The following CRISP1 variants were observed in gnomAD, a reference collection of about 807,000 sequenced individuals.
The protein encoded by CRISP1 is cysteine rich secretory protein 1.
Under a neutral mutation model 33.1 loss-of-function variants are expected in CRISP1, and 44 were observed. The observed-to-expected ratio is 1.33, with a 90% confidence interval of 1.05 to 1.71. CRISP1 has a LOEUF of 1.71. Ranked by LOEUF, CRISP1 falls within the 40% of genes most tolerant of loss-of-function variation. The pLI is 0.00. For synonymous variants in CRISP1, 103 were observed against 98.7 expected, an observed-to-expected ratio of 1.04 and a Z score of -0.26; for missense variants, 390 against 301.2, an observed-to-expected ratio of 1.29 and a Z score of -2.18.
At position 49,838,497 on chromosome 6, in the gene CRISP1, G is replaced by A. The variant is rs749780934; in HGVS notation, c.562C>T (p.Pro188Ser). The A allele has an allele frequency of 1.2e-6, 2 of 1,612,744 alleles. No individual in the cohort carries two copies. Among genetic ancestry groups the A allele is most frequent in the East Asian group, 2.2e-5 (1 of 44,812 alleles). The change falls in exon 7 of 8, where the codon CCT becomes TCT. Residue 188 changes from proline to serine, a missense_variant. Transcript: ENST00000335847. ...TCACATGGGACGCCTGTCTTATAAG[G>A]TTCATTCTTTGTTTCAGGATCATTT... is the stretch of plus-strand genomic sequence containing the variant. ...EGNDPETKNE[P>S]YKTGVPCEAC...
At position 49,857,366 on chromosome 6, in the gene CRISP1, G is replaced by C; in HGVS notation, c.35C>G (p.Ala12Gly). Reference sequence around the variant, plus strand: ...GGACAACATAGGCAGTAAGCAAGCAGCAGCAACCAAAAACAAGAGGTGTTT... The same window carrying C: ...GGACAACATAGGCAGTAAGCAAGCACCAGCAACCAAAAACAAGAGGTGTTT... Reference protein sequence around the residue: ...EIKHLLFLVAAACLLPMLSMK... With the variant: ...EIKHLLFLVAGACLLPMLSMK... Residue 12 changes from alanine to glycine, a missense_variant, in exon 2 of 8, where the codon GCT becomes GGT. Physicochemically the swap from Ala to Gly is moderately conservative, Grantham distance 60 (BLOSUM62 0). Coordinates refer to ENST00000335847, the MANE Select transcript of CRISP1 (RefSeq NM_001131.3). 6.8e-6 allele frequency: 11 copies of C among 1,613,000 alleles called. No homozygotes were observed. Among genetic ancestry groups the C allele is most frequent in the Non-Finnish European group, 9.3e-6 (11 of 1,179,274 alleles).
intron 1 of CRISP1, among the ~76,000 whole-genome samples, chr6:49,873,204 G>A (rs1042587665): frequency 6.6e-6 from 1 of 151,708 alleles, no homozygotes; most frequent in Non-Finnish European, 1.5e-5. Flanking sequence ...AAAATAAAAA[G>A]GGATAAGCCA....
In CRISP1 at chr6:49,848,268, C is replaced by T; in HGVS notation, c.227G>A (p.Arg76Lys). The T allele has an allele frequency of 1.2e-6, 2 of 1,605,048 alleles. No homozygotes were observed. The highest frequency in any genetic ancestry group is 8.5e-7 in the Non-Finnish European group (1 of 1,176,442). The part of the protein sequence containing the change: ...SWSEEAAQNA[R>K]IFSKYCDMTE... ...CATATCACAATACTTTGAAAAAATT[C>T]TGGCATTTTGTGCAGCCTCTTCACT... Residue 76 changes from arginine to lysine, a missense_variant, in exon 4 of 8, where the codon AGA (arginine) becomes AAA (lysine). Transcript: ENST00000335847.
At chr6:49,856,913 C>G (rs1299393467) in intron 2 of CRISP1, among the ~76,000 whole-genome samples, 1 of 152,104 alleles carries the variant, frequency 6.6e-6, no homozygotes, top group Non-Finnish European at 1.5e-5. Flanking sequence ...CAGCTCCTCA[C>G]GTTGCTCTTT....
At chr6:49,854,610 C>T (rs1330332753) in intron 2 of CRISP1, among the ~76,000 whole-genome samples, 1 of 152,166 alleles carries the variant, frequency 6.6e-6, no homozygotes, top group African/African-American at 2.4e-5. Context: ...AACTATTGTT[C>T]TCTGTCTCTA....
At position 49,834,501 on chromosome 6, in the gene CRISP1, T is replaced by C. The variant is rs1770716330; in HGVS notation, c.*815A>G. 1 of 152,180 alleles carries C rather than the reference T, an allele frequency of 6.6e-6. No homozygotes were observed. The highest frequency in any genetic ancestry group is 2.4e-5 in the African/African-American group (1 of 41,456). 9.4% of individuals were successfully genotyped at this position (152,180 alleles called of 1,614,324 possible). On this transcript the variant is annotated 3_prime_UTR_variant, in exon 8 of 8. Coordinates refer to ENST00000335847, the MANE Select transcript of CRISP1 (RefSeq NM_001131.3). ...GCAACCCTGTTTACTCAGAAGATGT[T>C]CCTCATTCCACCCTAAGGCTTTCCT...
Position 49,835,364 on chromosome 6 carries a change from A to G in CRISP1, c.702T>C (p.Thr234=), listed in dbSNP as rs1175896137. The change falls in exon 8 of 8, where the codon ACT becomes ACC. Residue 234 remains threonine (T), a synonymous_variant. Coordinates refer to ENST00000335847, the MANE Select transcript of CRISP1 (RefSeq NM_001131.3). ...GACAAGTGGCTTTACAGAATAGGAT[A>G]GTTGTTGAGTGGTTGCATCCCAGAT... ...VHYLGCNHST[T]ILFCKATCLC... The G allele has an allele frequency of 1.2e-6, 2 of 1,613,842 alleles. No individual in the cohort carries two copies. Among genetic ancestry groups the G allele is most frequent in the East Asian group, 4.5e-5 (2 of 44,844 alleles).
At chr6:49,871,050 G>A (rs1044370097), upstream of CRISP1, among the ~76,000 whole-genome samples, 1 of 151,396 alleles carries the variant, frequency 6.6e-6, no homozygotes, top group Non-Finnish European at 1.5e-5. Context: ...GCAGTGAGCT[G>A]AGAGATCGCG....
chr6:49,860,250 T>C (rs1169195170), intron 1 of CRISP1, among the ~76,000 whole-genome samples: 1 of 152,198 alleles, frequency 6.6e-6, no homozygotes, highest in African/African-American at 2.4e-5. Flanking sequence ...GGATTTAAGT[T>C]GGATATTAAA....
chr6:49,841,020 T>C (rs763926614), intron 5 of CRISP1, 25 bp from the exon 6 acceptor site: 2 of 1,556,176 alleles, frequency 1.3e-6, no homozygotes, highest in Non-Finnish European at 1.8e-6. Context: ...AGTTGTTTTA[T>C]TACAGATTAA....
At chr6:49,860,479 G>A (rs1458816954) in intron 1 of CRISP1, among the ~76,000 whole-genome samples, 1 of 152,034 alleles carries the variant, frequency 6.6e-6, no homozygotes, top group Non-Finnish European at 1.5e-5. Context: ...TTTGGAAACT[G>A]TAAAAAATGT....
intron 1 of CRISP1, among the ~76,000 whole-genome samples, chr6:49,862,351 T>C (rs1386638626): frequency 6.6e-6 from 1 of 151,726 alleles, no homozygotes; most frequent in Non-Finnish European, 1.5e-5. Flanking sequence ...AATTATGGGC[T>C]CTAATTAATT....
chr6:49,835,357 A>G lies in CRISP1; in HGVS notation c.709T>C (p.Phe237Leu). The change falls in exon 8 of 8, where the codon TTC becomes CTC. Residue 237 changes from phenylalanine to leucine, a missense_variant. Transcript: ENST00000335847. The part of the protein sequence containing the change: ...LGCNHSTTIL[F>L]CKATCLCDTE... ...TCACACAGACAAGTGGCTTTACAGA[A>G]TAGGATAGTTGTTGAGTGGTTGCAT... 6.2e-7 allele frequency: 1 copy of G among 1,613,872 alleles called. No homozygotes were observed. The highest frequency in any genetic ancestry group is 2.2e-5 in the East Asian group (1 of 44,834).
intron 3 of CRISP1, among the ~76,000 whole-genome samples, chr6:49,850,530 T>C (rs1771316006): frequency 6.6e-6 from 1 of 152,088 alleles, no homozygotes; most frequent in Admixed American, 6.6e-5. Context: ...CTGGTAATTG[T>C]GGTTAACTCT....
At chr6:49,867,308 T>C (rs1054310575), upstream of CRISP1, among the ~76,000 whole-genome samples, 1 of 152,104 alleles carries the variant, frequency 6.6e-6, no homozygotes, top group Non-Finnish European at 1.5e-5. Context: ...GTCTTATTAT[T>C]CTGAAAAGTT....
chr6:49,861,466 A>T (rs1009635286), intron 1 of CRISP1, among the ~76,000 whole-genome samples: 2 of 152,208 alleles, frequency 1.3e-5, no homozygotes, highest in African/African-American at 4.8e-5. Flanking sequence ...AATAAATGTG[A>T]CATATCACAT....
chr6:49,853,718 T>A (rs1449628387), intron 2 of CRISP1, among the ~76,000 whole-genome samples: 1 of 152,140 alleles, frequency 6.6e-6, no homozygotes, highest in African/African-American at 2.4e-5. Flanking sequence ...CCCTCTCTTG[T>A]CTTTCCTTTC....
At chr6:49,840,818 G>C in intron 6 of CRISP1, 80 bp downstream of exon 6, 1 of 1,057,636 alleles carries the variant, frequency 9.5e-7, no homozygotes, top group South Asian at 1.4e-5. Flanking sequence ...AAACATTTAT[G>C]CACACAAAAA....
At chr6:49,874,999 C>G (rs1353872920) in intron 1 of CRISP1, among the ~76,000 whole-genome samples, 1 of 151,978 alleles carries the variant, frequency 6.6e-6, no homozygotes. Flanking sequence ...AAAACTGACA[C>G]AAGACGAGGA....
Sources: allele counts gnomAD v4.1 joint callset (sites outside exome capture counted in the v4.1 genomes callset), GRCh38; gene constraint gnomAD v4.1.1; transcripts MANE v1.5; gene names NCBI Gene and HGNC (gene_info 2026-07-23, HGNC 2026-07-21).